The following ATAD5 variants were observed in gnomAD, a reference collection of about 807,000 sequenced individuals.
ATAD5 encodes the protein ATPase family AAA domain containing 5.
In ATAD5, 58 loss-of-function variants were observed where a neutral mutation model predicts 176.9. The observed-to-expected ratio is 0.33, with a 90% CI of 0.27 to 0.41. ATAD5 has a LOEUF of 0.41. Among genes scored for constraint, ATAD5 ranks in the 10% least tolerant of loss-of-function variants. The pLI is 1.00. For missense variants in ATAD5, 1,789 were observed against 2,094.1 expected (o/e 0.85, Z 2.84); for synonymous variants, 640 against 712.6 (o/e 0.90, Z 1.62).
In ATAD5 at chr17:30,894,048, A is replaced by C; in HGVS notation, c.5195A>C (p.Asn1732Thr). The C allele has an allele frequency of 6.2e-7, 1 of 1,612,062 alleles. No individual in the cohort carries two copies. Among genetic ancestry groups the C allele is most frequent in the East Asian group, 2.2e-5 (1 of 44,826 alleles). Residue 1732 changes from asparagine (N) to threonine (T), a missense_variant, in exon 21 of 23, where the codon AAT (asparagine) becomes ACT (threonine). Around this residue, in one of 6 missense-constraint regions of ATAD5, gnomAD observed 403 missense variants for 495.1 expected, o/e 0.81. Transcript: ENST00000321990. ...SAISKALETL[N>T]SCKKLGRDPT... ...ATTTCAAAAGCATTGGAAACCTTGAATTCTTGCAAGAAATTAGGAAGAGAT... is the reference window on the plus strand; with the variant it reads ...ATTTCAAAAGCATTGGAAACCTTGACTTCTTGCAAGAAATTAGGAAGAGAT...
In ATAD5 at chr17:30,834,518, G is replaced by C. The variant is rs762057400; in HGVS notation, c.437G>C (p.Ser146Thr). The stretch of plus-strand genomic sequence containing the variant: ...AGCGACGATAGCAAAGAAGACTATA[G>C]TTTAAATAATGATTTTGTGGAAAGT... ...ISSDDSKEDYSLNNDFVESST... is the reference protein window; with the variant it reads ...ISSDDSKEDYTLNNDFVESST... The change falls in exon 2 of 23, where the codon AGT (serine) becomes ACT (threonine). Residue 146 changes from serine (S) to threonine (T), a missense_variant. Coordinates refer to ENST00000321990, the MANE Select transcript of ATAD5 (RefSeq NM_024857.5). 1 of 1,589,212 alleles carries C rather than the reference G, an allele frequency of 6.3e-7. No homozygotes were observed. The highest frequency in any genetic ancestry group is 8.5e-7 in the Non-Finnish European group (1 of 1,173,216).
intron 8 of ATAD5, 67 bp downstream of exon 8, chr17:30,857,179 T>C: frequency 6.6e-7 from 1 of 1,506,982 alleles, no homozygotes; most frequent in Non-Finnish European, 8.9e-7. Context: ...AAAACATTTT[T>C]GGATATCTAC....
At position 30,895,679 on chromosome 17, in the gene ATAD5, C is replaced by G. The variant is rs574749073; in HGVS notation, c.*766C>G. On this transcript the variant is annotated 3_prime_UTR_variant, in exon 23 of 23. Transcript: ENST00000321990. ...CCTCGGCCTCCCAAAGTGCTGGGAT[C>G]ACAGGCGTGAGCCACCTCACCTGGC... The G allele has an allele frequency of 1.3e-4, 20 of 151,770 alleles. No individual in the cohort carries two copies. Among genetic ancestry groups the G allele is most frequent in the Non-Finnish European group, 2.6e-4 (18 of 67,994 alleles). 9.4% of individuals were successfully genotyped at this position (151,770 alleles called of 1,614,324 possible).
chr17:30,832,375 G>A lies in ATAD5; in HGVS notation c.28G>A (p.Ala10Thr), dbSNP rs1905432822. Residue 10 changes from alanine to threonine, a missense_variant, in exon 1 of 23, where the codon GCA becomes ACA. This residue lies in a region of ATAD5 where 696 missense variants were observed against 712.5 expected (regional missense o/e 0.98). Coordinates refer to ENST00000321990, the MANE Select transcript of ATAD5 (RefSeq NM_024857.5). Reference protein sequence around the residue: MVGVLAMAAAAAPPPVKDCE... With the variant: MVGVLAMAATAAPPPVKDCE... ...GGTGGGGGTCCTGGCCATGGCGGCT[G>A]CAGCTGCTCCGCCTCCCGTGAAGGA... The A allele has an allele frequency of 3.2e-6, 5 of 1,565,926 alleles. No individual in the cohort carries two copies. The highest frequency in any genetic ancestry group is 4.3e-6 in the Non-Finnish European group (5 of 1,155,096).
At chr17:30,894,458 T>C in intron 21 of ATAD5, 106 bp from the exon 22 acceptor site, 2 of 1,087,392 alleles carry the variant, frequency 1.8e-6, no homozygotes, top group Non-Finnish European at 2.6e-6. Context: ...AATCTGGAAA[T>C]GTCATCTGGT....
chr17:30,848,052 G>A, intron 6 of ATAD5, among the ~76,000 whole-genome samples: 1 of 152,058 alleles, frequency 6.6e-6, no homozygotes, highest in East Asian at 1.9e-4. Context: ...ACACATGTAT[G>A]GACAAGTGTT....
intron 4 of ATAD5, 124 bp downstream of exon 4, chr17:30,840,905 A>T: frequency 2.1e-6 from 2 of 956,160 alleles, no homozygotes; most frequent in East Asian, 6.2e-5. Flanking sequence ...TAGAGAGAAT[A>T]TCATTTTCAG....
At chr17:30,839,468 G>A (rs1446819849) in intron 3 of ATAD5, among the ~76,000 whole-genome samples, 1 of 151,560 alleles carries the variant, frequency 6.6e-6, no homozygotes, top group Non-Finnish European at 1.5e-5. Flanking sequence ...GTAGAGATGG[G>A]GTTTCACCGT....
At chr17:30,868,509 ATTTT>A (rs745465090) in intron 12 of ATAD5, 97 bp downstream of exon 12, 15 of 486,466 alleles carry the variant, frequency 3.1e-5, no homozygotes, top group South Asian at 1.6e-4. Context: ...TTTTTTTTTA[ATTTT>A]TTTTTTTTTT....
chr17:30,861,306 T>C (rs1248284091), intron 10 of ATAD5, among the ~76,000 whole-genome samples: 1 of 150,856 alleles, frequency 6.6e-6, no homozygotes, highest in Admixed American at 6.7e-5. Flanking sequence ...TAAATTCGAG[T>C]TTTTCCTTCT....
intron 2 of ATAD5, among the ~76,000 whole-genome samples, chr17:30,836,797 A>G (rs898349004): frequency 6.6e-6 from 1 of 151,482 alleles, no homozygotes; most frequent in Admixed American, 6.6e-5. Flanking sequence ...CGAACTCCTG[A>G]CCTCAAGTGA....
intron 18 of ATAD5, among the ~76,000 whole-genome samples, chr17:30,879,853 C>T (rs569380303): frequency 5.3e-5 from 8 of 151,998 alleles, no homozygotes; most frequent in South Asian, 2.1e-4. Context: ...TGAGCCACTG[C>T]GCCCGGTCCA....
At chr17:30,861,441 A>G (rs930035303) in intron 10 of ATAD5, among the ~76,000 whole-genome samples, 1 of 151,768 alleles carries the variant, frequency 6.6e-6, no homozygotes, top group African/African-American at 2.4e-5. Context: ...AACCTCACGG[A>G]TTATGGGCTT....
intron 6 of ATAD5, among the ~76,000 whole-genome samples, chr17:30,853,962 A>G (rs928318332): frequency 2.0e-5 from 3 of 151,956 alleles, no homozygotes; most frequent in Non-Finnish European, 4.4e-5. Flanking sequence ...CAAGAGGGAA[A>G]AAACTCACCT....
At chr17:30,882,023 G>A (rs1414940261) in intron 18 of ATAD5, among the ~76,000 whole-genome samples, 1 of 152,142 alleles carries the variant, frequency 6.6e-6, no homozygotes, top group Non-Finnish European at 1.5e-5. Context: ...ACTTTGGGAG[G>A]CTGAGGTGGG....
Position 30,835,416 on chromosome 17 carries a change from A to C in ATAD5, c.1335A>C (p.Lys445Asn). 6.2e-7 allele frequency: 1 copy of C among 1,611,736 alleles called. No individual in the cohort carries two copies. The highest frequency in any genetic ancestry group is 8.5e-7 in the Non-Finnish European group (1 of 1,179,440). The change falls in exon 2 of 23, where the codon AAA becomes AAC. Residue 445 changes from lysine to asparagine, a missense_variant. Physicochemically the swap from Lys to Asn is moderately conservative, Grantham distance 94. Coordinates refer to ENST00000321990, the MANE Select transcript of ATAD5 (RefSeq NM_024857.5). ...YEVGRDDNSK[K>N]IMENSGIQMV... ...TAGGAAGAGATGATAATTCTAAAAA[A>C]ATCATGGAAAATTCTGGTATCCAAA...
chr17:30,870,838 A>G (rs1908293955), intron 14 of ATAD5, among the ~76,000 whole-genome samples: 1 of 151,970 alleles, frequency 6.6e-6, no homozygotes, highest in Non-Finnish European at 1.5e-5. Context: ...AGATTTTCTC[A>G]CTGGTTTTAA....
At chr17:30,848,439 G>C (rs1906668734) in intron 6 of ATAD5, among the ~76,000 whole-genome samples, 1 of 151,628 alleles carries the variant, frequency 6.6e-6, no homozygotes, top group South Asian at 2.1e-4. Flanking sequence ...TTTTTTCTTT[G>C]GTAGAGACAG....
At chr17:30,880,223 G>A (rs892759198) in intron 18 of ATAD5, among the ~76,000 whole-genome samples, 6 of 152,124 alleles carry the variant, frequency 3.9e-5, no homozygotes, top group Admixed American at 2.6e-4. Flanking sequence ...ACAATTGCTT[G>A]AGCCCAGGAG....
Sources: allele counts gnomAD v4.1 joint callset (sites outside exome capture counted in the v4.1 genomes callset), GRCh38; gene constraint gnomAD v4.1.1; regional missense constraint gnomAD v4.1.1; transcripts MANE v1.5; gene names NCBI Gene and HGNC (gene_info 2026-07-23, HGNC 2026-07-21).